Variants in COL13A1 observed in about 807,000 individuals in gnomAD.
COL13A1 encodes the protein collagen alpha-1(XIII) chain.
In COL13A1, 89 loss-of-function variants were observed where a neutral mutation model predicts 130.9. That is an observed-to-expected ratio of 0.68 (90% confidence interval 0.57 to 0.81). The LOEUF (loss-of-function observed/expected upper bound fraction) is 0.81, where lower values mean the gene tolerates loss of function less well. COL13A1 is among the 30% of genes least tolerant of loss of function. COL13A1 has a pLI of 0.00. For synonymous variants in COL13A1, 402 were observed against 341.6 expected (o/e 1.18, Z -1.95); for missense variants, 879 against 934.6 (o/e 0.94, Z 0.78).
intron 1 of COL13A1, among the ~76,000 whole-genome samples, chr10:69,821,396 G>T (rs903694777): frequency 2.6e-5 from 4 of 152,160 alleles, no homozygotes; most frequent in Admixed American, 1.3e-4. Flanking sequence ...CTTGACCTTG[G>T]CCAGGTGCAG....
chr10:69,849,994 C>T (rs1179504815), intron 2 of COL13A1, among the ~76,000 whole-genome samples: 1 of 152,146 alleles, frequency 6.6e-6, no homozygotes, highest in African/African-American at 2.4e-5. Flanking sequence ...GCTGTTAGCA[C>T]ATCAAAGCGG....
intron 34 of COL13A1, among the ~76,000 whole-genome samples, chr10:69,938,271 G>A (rs2067202711): frequency 6.6e-6 from 1 of 152,156 alleles, no homozygotes; most frequent in Admixed American, 6.5e-5. Flanking sequence ...GGTCAGAGGT[G>A]GGGAGCTGCT....
At chr10:69,905,426 C>T (rs572760336) in intron 16 of COL13A1, among the ~76,000 whole-genome samples, 5 of 152,296 alleles carry the variant, frequency 3.3e-5, no homozygotes, top group Admixed American at 6.5e-5. Flanking sequence ...AGAAGATGCC[C>T]AGTGCTGATT....
chr10:69,876,100 A>G (rs751575072), intron 5 of COL13A1, among the ~76,000 whole-genome samples: 20 of 152,230 alleles, frequency 1.3e-4, no homozygotes, highest in Non-Finnish European at 2.4e-4. Flanking sequence ...GACCCTTGCT[A>G]GTGCTAACTG....
intron 2 of COL13A1, among the ~76,000 whole-genome samples, chr10:69,860,306 G>C (rs1857621438): frequency 6.6e-6 from 1 of 152,234 alleles, no homozygotes; most frequent in Non-Finnish European, 1.5e-5. Flanking sequence ...GACCTTTACA[G>C]CCTTCTGCAC....
intron 37 of COL13A1, 87 bp from the exon 38 acceptor site, chr10:69,947,220 G>A (rs2068688675): frequency 8.4e-7 from 1 of 1,189,212 alleles, no homozygotes. Flanking sequence ...GAGGCATTGG[G>A]AGAGTTTGAT....
chr10:69,882,037 C>T (rs1039122944), intron 7 of COL13A1, among the ~76,000 whole-genome samples: 1 of 152,232 alleles, frequency 6.6e-6, no homozygotes, highest in Non-Finnish European at 1.5e-5. Context: ...CCCCGATGGG[C>T]TTCAAGCCTC....
intron 6 of COL13A1, among the ~76,000 whole-genome samples, chr10:69,878,971 A>C (rs1313108248): frequency 1.3e-5 from 2 of 152,266 alleles, no homozygotes; most frequent in Non-Finnish European, 2.9e-5. Flanking sequence ...CCCATCTCCA[A>C]AATAACAATC....
chr10:69,938,129 C>A (rs955352685), intron 34 of COL13A1, among the ~76,000 whole-genome samples: 3 of 152,338 alleles, frequency 2.0e-5, no homozygotes, highest in Admixed American at 6.5e-5. Context: ...TCTTGCTCCC[C>A]CCTCTTAAGC....
rs374143674 is a variant in COL13A1, at chr10:69,856,937, C to A, written c.365-10861C>A. On this transcript the variant is annotated intron_variant, in intron 2 of 40. Transcript: ENST00000645393. ...AGCCAGCAAAGTGCAACGGGCAAGG[C>A]TCATCCCTGATTGATTTCCACCTCG... Among the ~76,000 whole-genome samples, 52 of 151,896 alleles carry A rather than the reference C, an allele frequency of 3.4e-4. 2 individuals carry two copies. In the South Asian group the frequency reaches 0.01, roughly 30 times the overall value.
chr10:69,918,982 C>T (rs1465050266), intron 19 of COL13A1, 80 bp from the exon 20 acceptor site: 1 of 1,576,246 alleles, frequency 6.3e-7, no homozygotes, highest in African/African-American at 1.3e-5. Flanking sequence ...TGCCCCCAAC[C>T]CCACCTCCAC....
chr10:69,918,491 C>G (rs879908020), intron 19 of COL13A1, among the ~76,000 whole-genome samples, 174 bp downstream of exon 19: 2 of 152,206 alleles, frequency 1.3e-5, no homozygotes, highest in Non-Finnish European at 2.9e-5. Context: ...CCTTGAGCCA[C>G]AGATGTGTAA....
intron 7 of COL13A1, among the ~76,000 whole-genome samples, chr10:69,886,361 G>A (rs1318479064): frequency 6.6e-6 from 1 of 152,234 alleles, no homozygotes; most frequent in Non-Finnish European, 1.5e-5. Flanking sequence ...ACAACTTGCT[G>A]AGGGTCACAC....
chr10:69,863,819 A>G (rs1858956390), intron 2 of COL13A1, among the ~76,000 whole-genome samples: 1 of 152,164 alleles, frequency 6.6e-6, no homozygotes, highest in African/African-American at 2.4e-5. Context: ...ACTCATGTGT[A>G]TAATCCCAGC....
chr10:69,941,698 G>A (rs1200398126), intron 35 of COL13A1, among the ~76,000 whole-genome samples: 1 of 152,136 alleles, frequency 6.6e-6, no homozygotes, highest in Non-Finnish European at 1.5e-5. Context: ...TCTGATTCCA[G>A]AAAACAGGCA....
At chr10:69,868,430 G>A (rs751269689) in intron 3 of COL13A1, among the ~76,000 whole-genome samples, 2 of 152,324 alleles carry the variant, frequency 1.3e-5, no homozygotes, top group Non-Finnish European at 2.9e-5. Flanking sequence ...CCCAGGGTGG[G>A]GCAGGGAGTG....
intron 17 of COL13A1, among the ~76,000 whole-genome samples, chr10:69,911,197 C>T (rs3864816): frequency 0.2 from 31,081 of 152,174 alleles, 3,604 homozygotes; most frequent in South Asian, 0.3. Flanking sequence ...TGGCCCTTCC[C>T]CTTGCCCCTT....
intron 2 of COL13A1, among the ~76,000 whole-genome samples, chr10:69,823,632 C>T (rs551953961): frequency 4.0e-4 from 61 of 152,268 alleles, no homozygotes; most frequent in African/African-American, 1.3e-3. Flanking sequence ...ATATGGGAAA[C>T]GAAGGACCGC....
chr10:69,939,361 T>C (rs1250624570), intron 34 of COL13A1, among the ~76,000 whole-genome samples: 4 of 152,234 alleles, frequency 2.6e-5, no homozygotes, highest in Non-Finnish European at 5.9e-5. Context: ...ATCTTTCCAT[T>C]TTCTAATATT....
Sources: gnomAD v4.1 joint callset for allele counts (sites outside exome capture counted in the v4.1 genomes callset) on GRCh38, gnomAD v4.1.1 for gene constraint, MANE v1.5 for transcripts, NCBI Gene and HGNC (gene_info 2026-07-23, HGNC 2026-07-21) for gene names.